The following TCF7L1 variants were observed in gnomAD, a reference collection of about 807,000 sequenced individuals.
TCF7L1 encodes transcription factor 7 like 1.
Under a neutral mutation model 63.7 loss-of-function variants are expected in TCF7L1, and 18 were observed. The observed-to-expected ratio is 0.28, with a 90% CI of 0.20 to 0.42. The LOEUF (loss-of-function observed/expected upper bound fraction) is 0.42, where lower values mean the gene tolerates loss of function less well. TCF7L1 is among the 10% of genes least tolerant of loss of function. TCF7L1 has a pLI of 1.00. For synonymous variants in TCF7L1, 355 were observed against 340.9 expected (o/e 1.04, Z -0.46); for missense variants, 654 against 779.3 (o/e 0.84, Z 1.91).
intron 3 of TCF7L1, among the ~76,000 whole-genome samples, chr2:85,169,000 T>C (rs1574088372): frequency 6.6e-6 from 1 of 152,188 alleles, no homozygotes; most frequent in African/African-American, 2.4e-5. Flanking sequence ...TCTGAGAACC[T>C]CCTGCCTCTA....
chr2:85,177,381 T>G (rs1243060929), intron 3 of TCF7L1, among the ~76,000 whole-genome samples: 3 of 152,134 alleles, frequency 2.0e-5, no homozygotes, highest in African/African-American at 7.2e-5. Context: ...TTAAAAAAAT[T>G]TTAAGTATAA....
intron 3 of TCF7L1, among the ~76,000 whole-genome samples, chr2:85,146,732 G>A (rs1414454771): frequency 1.3e-5 from 2 of 151,932 alleles, no homozygotes; most frequent in African/African-American, 4.8e-5. Context: ...TTGATGTTCT[G>A]ACCTCAGGTG....
At chr2:85,174,638 T>G (rs1678633823) in intron 3 of TCF7L1, among the ~76,000 whole-genome samples, 1 of 152,240 alleles carries the variant, frequency 6.6e-6, no homozygotes, top group Non-Finnish European at 1.5e-5. Flanking sequence ...TCCTGTGTTT[T>G]GACTGGTGAG....
At chr2:85,152,987 A>G (rs1326490417) in intron 3 of TCF7L1, among the ~76,000 whole-genome samples, 1 of 152,262 alleles carries the variant, frequency 6.6e-6, no homozygotes, top group East Asian at 1.9e-4. Context: ...TTGAAAGGGC[A>G]TGCTCAGATA....
chr2:85,205,634 C>T (rs967133696), intron 3 of TCF7L1, among the ~76,000 whole-genome samples: 9 of 151,832 alleles, frequency 5.9e-5, no homozygotes, highest in African/African-American at 1.7e-4. Context: ...CAGGTTCAAG[C>T]GATCCTCCCA....
intron 3 of TCF7L1, among the ~76,000 whole-genome samples, chr2:85,152,495 C>T (rs542351528): frequency 2.2e-5 from 3 of 137,750 alleles, no homozygotes; most frequent in East Asian, 2.2e-4. Context: ...AGTGCAGGGG[C>T]GCGATCTTGG....
chr2:85,254,338 T>C (rs1680657367), intron 3 of TCF7L1, among the ~76,000 whole-genome samples: 2 of 152,164 alleles, frequency 1.3e-5, no homozygotes, highest in Admixed American at 1.3e-4. Context: ...GGAGCACAGG[T>C]TTATTGCTTC....
chr2:85,180,296 C>A (rs776014765), intron 3 of TCF7L1, among the ~76,000 whole-genome samples: 24 of 150,248 alleles, frequency 1.6e-4, no homozygotes, highest in Non-Finnish European at 3.1e-4. Flanking sequence ...TGGTCTTGAG[C>A]TCCTGGCCTC....
intron 3 of TCF7L1, among the ~76,000 whole-genome samples, chr2:85,226,590 T>C (rs76290748): frequency 6.6e-6 from 1 of 151,562 alleles, no homozygotes. Flanking sequence ...TCTCCCAACT[T>C]TATTCTCTTA....
intron 3 of TCF7L1, among the ~76,000 whole-genome samples, chr2:85,223,000 A>G (rs1679881191): frequency 6.6e-6 from 1 of 152,174 alleles, no homozygotes; most frequent in Non-Finnish European, 1.5e-5. Context: ...ACGGGCCATG[A>G]GCTAGTAATT....
intron 4 of TCF7L1, among the ~76,000 whole-genome samples, chr2:85,294,453 G>A (rs1175265135): frequency 6.6e-6 from 1 of 152,172 alleles, no homozygotes; most frequent in Non-Finnish European, 1.5e-5. Flanking sequence ...ATTCTAACAA[G>A]TTTCCAGGTG....
chr2:85,224,456 T>G (rs890994110), intron 3 of TCF7L1, among the ~76,000 whole-genome samples: 4 of 152,224 alleles, frequency 2.6e-5, no homozygotes, highest in African/African-American at 9.6e-5. Flanking sequence ...ACCTGTTGTT[T>G]CCTGACTTTA....
At chr2:85,229,118 G>A (rs113230662) in intron 3 of TCF7L1, among the ~76,000 whole-genome samples, 7,147 of 152,068 alleles carry the variant, frequency 0.047, 166 homozygotes, top group African/African-American at 0.06. Flanking sequence ...AGGCTGAGGC[G>A]TGCGGATCAC....
At position 85,309,242 on chromosome 2, in the gene TCF7L1, C is replaced by G. The variant is rs1573037925; in HGVS notation, c.1547C>G (p.Ala516Gly). The change falls in exon 12 of 12, where the codon GCT becomes GGT. Residue 516 changes from alanine (A) to glycine (G), a missense_variant. This residue lies in a region of TCF7L1 where 184 missense variants were observed against 204.0 expected (regional missense o/e 0.90). Coordinates refer to ENST00000282111, the MANE Select transcript of TCF7L1 (RefSeq NM_031283.3). ...AAACCAGAAACCCGGGCCCAGCTGG[C>G]TCTCCACTCTGCCGCCTTCCTGTCG... ...TTKPETRAQL[A>G]LHSAAFLSAK... 1.2e-6 allele frequency: 2 copies of G among 1,613,950 alleles called. No individual in the cohort carries two copies. Among genetic ancestry groups the G allele is most frequent in the Non-Finnish European group, 1.7e-6 (2 of 1,180,030 alleles).
In TCF7L1 at chr2:85,304,344, T is replaced by C. The variant is rs752743232; in HGVS notation, c.845+6T>C. On this transcript the variant is annotated splice_donor_region_variant and intron_variant, in intron 7 of 11. Transcript: ENST00000282111. ...ATGAACGCCTCGATGTCCAGGTGAGTCCCGGGGCTGGGGCTGTCCGCATGT... is the reference window on the plus strand; with the variant it reads ...ATGAACGCCTCGATGTCCAGGTGAGCCCCGGGGCTGGGGCTGTCCGCATGT... The C allele has an allele frequency of 3.7e-6, 6 of 1,613,388 alleles. No individual in the cohort carries two copies. The highest frequency in any genetic ancestry group is 5.1e-6 in the Non-Finnish European group (6 of 1,179,756).
At chr2:85,251,935 C>T (rs1447235046) in intron 3 of TCF7L1, among the ~76,000 whole-genome samples, 3 of 152,100 alleles carry the variant, frequency 2.0e-5, no homozygotes, top group Non-Finnish European at 4.4e-5. Flanking sequence ...ATTAGCCAGG[C>T]GTGGTGGCAC....
chr2:85,308,242 C>G (rs188593337), intron 11 of TCF7L1, among the ~76,000 whole-genome samples: 14 of 152,174 alleles, frequency 9.2e-5, no homozygotes, highest in African/African-American at 3.4e-4. Flanking sequence ...CACACTGTGA[C>G]GATTATTATT....
At chr2:85,231,164 T>C (rs1246256562) in intron 3 of TCF7L1, among the ~76,000 whole-genome samples, 1 of 152,174 alleles carries the variant, frequency 6.6e-6, no homozygotes, top group African/African-American at 2.4e-5. Context: ...AAGCCAGGCC[T>C]GTTGAGGTGG....
chr2:85,169,786 C>A (rs954523905), intron 3 of TCF7L1, among the ~76,000 whole-genome samples: 1 of 152,180 alleles, frequency 6.6e-6, no homozygotes, highest in Admixed American at 6.5e-5. Flanking sequence ...CAGGGCCACA[C>A]AGCCCTGGTC....
Sources: allele counts gnomAD v4.1 joint callset (sites outside exome capture counted in the v4.1 genomes callset), GRCh38; gene constraint gnomAD v4.1.1; regional missense constraint gnomAD v4.1.1; transcripts MANE v1.5; gene names NCBI Gene and HGNC (gene_info 2026-07-23, HGNC 2026-07-21).